Variants in TBC1D21 observed in about 807,000 individuals in gnomAD.
TBC1D21 encodes the protein TBC1 domain family member 21.
Under a neutral mutation model 46.0 loss-of-function variants are expected in TBC1D21, and 38 were observed. The ratio of observed to expected loss-of-function variants is 0.83; its 90% CI spans 0.64 to 1.08. The LOEUF (loss-of-function observed/expected upper bound fraction) is 1.08. TBC1D21 is among the 50% of genes least tolerant of loss of function. The pLI is 0.00. For synonymous variants in TBC1D21, 151 were observed against 157.2 expected (o/e 0.96, Z 0.29); for missense variants, 415 against 417.9 (o/e 0.99, Z 0.06).
Position 73,889,195 on chromosome 15 carries a change from T to G in TBC1D21, c.*94T>G. 11 of 1,358,296 alleles carry G rather than the reference T, an allele frequency of 8.1e-6. No individual in the cohort carries two copies. The highest frequency in any genetic ancestry group is 1.0e-5 in the Non-Finnish European group (10 of 966,640). 84.1% of individuals were successfully genotyped at this position (1,358,296 alleles called of 1,614,324 possible). ...GGGAGTAGATAAAACAGCTGCAATA[T>G]AAACAGTCCTCTGGAATAATGGTTT... On this transcript the variant is annotated 3_prime_UTR_variant, in exon 11 of 11. Transcript: ENST00000300504.
chr15:73,876,031 T>G (rs2068053345), intron 1 of TBC1D21, among the ~76,000 whole-genome samples: 2 of 152,046 alleles, frequency 1.3e-5, no homozygotes, highest in South Asian at 4.1e-4. Flanking sequence ...CCCCTTTGCC[T>G]TCTGCGGGTC....
intron 1 of TBC1D21, among the ~76,000 whole-genome samples, chr15:73,877,559 T>C (rs1288091565): frequency 2.9e-5 from 4 of 137,382 alleles, no homozygotes; most frequent in African/African-American, 8.4e-5. Flanking sequence ...AAGAAATCCC[T>C]ACTCATTTTA....
intron 10 of TBC1D21, 81 bp downstream of exon 10, chr15:73,888,594 C>CTCCTCCTCCTCTTCT (rs2068299166): frequency 5.5e-6 from 5 of 907,586 alleles, no homozygotes; most frequent in Non-Finnish European, 8.6e-6. Context: ...CCTCCTCCTC[C>CTCCTCCTCCTCTTCT]TCCTCCTCCT....
chr15:73,903,200 G>T, the TBC1D21 span, among the ~76,000 whole-genome samples: 1 of 152,166 alleles, frequency 6.6e-6, no homozygotes, highest in East Asian at 1.9e-4. Context: ...ACACCACTCA[G>T]TCCTTACCAT....
intron 8 of TBC1D21, among the ~76,000 whole-genome samples, chr15:73,887,352 C>T (rs2068266678): frequency 1.3e-5 from 2 of 152,222 alleles, no homozygotes; most frequent in South Asian, 4.1e-4. Context: ...GCCTCCCTCC[C>T]CTTCCTCTAT....
chr15:73,880,356 C>T (rs1212296105), intron 1 of TBC1D21, among the ~76,000 whole-genome samples: 1 of 151,912 alleles, frequency 6.6e-6, no homozygotes, highest in Non-Finnish European at 1.5e-5. Context: ...GACTATCTCT[C>T]ATAATGAACC....
At chr15:73,886,716 G>A (rs1449221247) in intron 8 of TBC1D21, 104 bp downstream of exon 8, 3 of 1,095,874 alleles carry the variant, frequency 2.7e-6, no homozygotes, top group Admixed American at 1.9e-5. Flanking sequence ...CTTGGATGGA[G>A]TTCAGTATCT....
chr15:73,903,036 G>A, the TBC1D21 span, among the ~76,000 whole-genome samples: 1 of 152,194 alleles, frequency 6.6e-6, no homozygotes, highest in African/African-American at 2.4e-5. Context: ...CCCAGCGACC[G>A]TGCAACAGTT....
chr15:73,886,731 G>A, intron 8 of TBC1D21, 119 bp downstream of exon 8: 3 of 910,606 alleles, frequency 3.3e-6, no homozygotes, highest in African/African-American at 1.6e-5. Flanking sequence ...GTATCTCGGG[G>A]TTTTGTTAGG....
At chr15:73,887,847 T>G (rs1320670899) in intron 9 of TBC1D21, 111 bp downstream of exon 9, 6 of 829,814 alleles carry the variant, frequency 7.2e-6, no homozygotes, top group Non-Finnish European at 9.6e-6. Flanking sequence ...CAGTGCCACC[T>G]TTTCCCCCCA....
intron 3 of TBC1D21, 51 bp downstream of exon 3, chr15:73,881,798 G>A (rs775635873): frequency 2.6e-6 from 4 of 1,529,488 alleles, no homozygotes. Context: ...GCAGGTGGCA[G>A]GTGCTGCCTC....
rs143073866 is a variant in TBC1D21, at chr15:73,880,713, G to A, written c.61-686G>A. On this transcript the variant is annotated intron_variant, in intron 1 of 10. Coordinates refer to ENST00000300504, the MANE Select transcript of TBC1D21 (RefSeq NM_153356.3). Reference sequence around the variant, plus strand: ...TTGAACCTGGGAGGCAGAGGTTGCAGTGAGCCGAGATCCACCACTGCACTC... The same window carrying A: ...TTGAACCTGGGAGGCAGAGGTTGCAATGAGCCGAGATCCACCACTGCACTC... Among the ~76,000 whole-genome samples the A allele has an allele frequency of 6.7e-3, 1,019 of 152,232 alleles. 11 individuals are homozygous for A. The highest frequency in any genetic ancestry group is 0.021 in the African/African-American group (864 of 41,502).
At chr15:73,898,894 T>TATATATATATATAC in the TBC1D21 span, among the ~76,000 whole-genome samples, 1 of 125,946 alleles carries the variant, frequency 7.9e-6, no homozygotes, top group South Asian at 2.5e-4. Context: ...TATATATATA[T>TATATATATATATAC]ATATATATAC....
At chr15:73,889,371 T>C (rs545303299), downstream of TBC1D21, among the ~76,000 whole-genome samples, 1 of 152,318 alleles carries the variant, frequency 6.6e-6, no homozygotes, top group East Asian at 1.9e-4. Context: ...CAGTGGCTCC[T>C]CCTTGATGGA....
In TBC1D21 at chr15:73,884,246, G is replaced by A; in HGVS notation, c.367+1G>A. The A allele has an allele frequency of 1.2e-6, 2 of 1,614,050 alleles. No individual in the cohort carries two copies. The highest frequency in any genetic ancestry group is 1.7e-6 in the Non-Finnish European group (2 of 1,179,872). ...TTCACAGAGACTCGCAATAACATTG[G>A]TGAGCAAAGTGGGGTGGAGAGGGCT... On this transcript the variant is annotated splice_donor_variant, in intron 4 of 10. Coordinates refer to ENST00000300504, the MANE Select transcript of TBC1D21 (RefSeq NM_153356.3). LOFTEE classifies it high-confidence loss of function.
rs1450902083 is a variant in TBC1D21, at chr15:73,884,803, T to C, written c.390T>C (p.Tyr130=). ...NNIARDIQKI[Y]DKDPLGNVLI... Reference sequence around the variant, plus strand: ...TAGCACGTGACATTCAGAAAATCTATGACAAAGATCCCCTGGGCAACGTCC... The same window carrying C: ...TAGCACGTGACATTCAGAAAATCTACGACAAAGATCCCCTGGGCAACGTCC... The change falls in exon 5 of 11, where the codon TAT becomes TAC. Residue 130 remains tyrosine, a synonymous_variant. Transcript: ENST00000300504. The C allele has an allele frequency of 5.6e-6, 9 of 1,613,940 alleles. No homozygotes were observed. The highest frequency in any genetic ancestry group is 5.9e-6 in the Non-Finnish European group (7 of 1,179,996).
Position 73,887,705 on chromosome 15 carries a change from A to G in TBC1D21, c.863A>G (p.Gln288Arg), listed in dbSNP as rs1383865840. 6.2e-7 allele frequency: 1 copy of G among 1,613,742 alleles called. No individual in the cohort carries two copies. The highest frequency in any genetic ancestry group is 8.5e-7 in the Non-Finnish European group (1 of 1,179,872). Residue 288 changes from glutamine to arginine, a missense_variant, in exon 9 of 11, where the codon CAG (glutamine) becomes CGG (arginine). Transcript: ENST00000300504. ...CAGATGGTGCGGGAGCAGGTGCTGC[A>G]GGAAAGCATGGGCGGGGATGACATC... ...MLQMVREQVL[Q>R]ESMGGDDILL...
the TBC1D21 span, among the ~76,000 whole-genome samples, chr15:73,904,990 T>G: frequency 2.0e-5 from 3 of 151,966 alleles, no homozygotes; most frequent in African/African-American, 7.3e-5. Context: ...ATAGAAGAAT[T>G]TAGCGACAAA....
chr15:73,884,105 A>G (rs1324883525), intron 3 of TBC1D21, 46 bp from the exon 4 acceptor site: 1 of 1,396,480 alleles, frequency 7.2e-7, no homozygotes, highest in East Asian at 2.5e-5. Flanking sequence ...ACCACTTATC[A>G]GAAGGGGAAA....
Sources: allele counts gnomAD v4.1 joint callset (sites outside exome capture counted in the v4.1 genomes callset), GRCh38; gene constraint gnomAD v4.1.1; transcripts MANE v1.5; gene names NCBI Gene and HGNC (gene_info 2026-07-23, HGNC 2026-07-21).